Variants in MACROD2 observed in about 807,000 individuals in gnomAD.
MACROD2 encodes the protein ADP-ribose glycohydrolase MACROD2.
Under a neutral mutation model 70.4 loss-of-function variants are expected in MACROD2, and 36 were observed. That is an observed-to-expected ratio of 0.51 (90% CI 0.39 to 0.68). The LOEUF (loss-of-function observed/expected upper bound fraction) is 0.68, where lower values mean the gene tolerates loss of function less well. MACROD2 is among the 30% of genes least tolerant of loss of function. The pLI, the probability that MACROD2 is intolerant of heterozygous loss-of-function variation, is 0.00. For missense variants in MACROD2, 496 were observed against 538.4 expected (o/e 0.92, Z 0.78); for synonymous variants, 172 against 178.8 (o/e 0.96, Z 0.30).
At chr20:14,930,924 G>T (rs762168715) in intron 5 of MACROD2, among the ~76,000 whole-genome samples, 1 of 149,886 alleles carries the variant, frequency 6.7e-6, no homozygotes, top group African/African-American at 2.5e-5. Context: ...TAGCTTCCCA[G>T]GAGGCTGAGG....
intron 5 of MACROD2, among the ~76,000 whole-genome samples, chr20:15,220,667 A>C (rs914411677): frequency 5.3e-5 from 8 of 152,256 alleles, no homozygotes; most frequent in Non-Finnish European, 8.8e-5. Flanking sequence ...AACTCTGTTC[A>C]TATAGAGGAA....
intron 8 of MACROD2, among the ~76,000 whole-genome samples, chr20:15,828,799 G>C (rs1377779392): frequency 6.6e-6 from 1 of 152,148 alleles, no homozygotes; most frequent in Non-Finnish European, 1.5e-5. Context: ...TGAAAAACTG[G>C]TTAACATTTA....
intron 2 of MACROD2, chr20:14,052,169 G>C (rs1215797899): frequency 6.8e-6 from 2 of 292,308 alleles, no homozygotes; most frequent in Non-Finnish European, 1.3e-5. Flanking sequence ...GGGTGGTAGA[G>C]AAATTAGGAA....
intron 3 of MACROD2, among the ~76,000 whole-genome samples, chr20:14,379,874 G>C (rs984034699): frequency 1.3e-5 from 2 of 152,046 alleles, no homozygotes; most frequent in African/African-American, 4.8e-5. Flanking sequence ...TAGACACTTG[G>C]ATTGTTTCTA....
At chr20:14,898,677 C>A (rs1233185569) in intron 5 of MACROD2, among the ~76,000 whole-genome samples, 1 of 152,148 alleles carries the variant, frequency 6.6e-6, no homozygotes, top group Admixed American at 6.5e-5. Flanking sequence ...GCACTCTTGC[C>A]TGTGCTGGAA....
intron 8 of MACROD2, among the ~76,000 whole-genome samples, chr20:15,543,381 A>G (rs2047983749): frequency 6.6e-6 from 1 of 152,180 alleles, no homozygotes; most frequent in Non-Finnish European, 1.5e-5. Flanking sequence ...ACATGATAGA[A>G]TAGGCCCTCA....
intron 5 of MACROD2, among the ~76,000 whole-genome samples, chr20:15,055,015 T>C (rs1244392675): frequency 6.7e-6 from 1 of 149,724 alleles, no homozygotes; most frequent in East Asian, 2.0e-4. Flanking sequence ...AATGGTGTGA[T>C]CTTGGCTCCC....
At chr20:15,199,379 A>G (rs1225539111) in intron 5 of MACROD2, among the ~76,000 whole-genome samples, 1 of 152,060 alleles carries the variant, frequency 6.6e-6, no homozygotes, top group Non-Finnish European at 1.5e-5. Context: ...AACAAACAAC[A>G]ACAACAAAAA....
intron 3 of MACROD2, among the ~76,000 whole-genome samples, chr20:14,282,720 C>G (rs541898324): frequency 2.6e-5 from 4 of 152,034 alleles, no homozygotes; most frequent in Admixed American, 6.6e-5. Flanking sequence ...TGGTGGAAGG[C>G]AAAGGAGGAG....
chr20:15,604,372 T>C (rs2048864852), intron 8 of MACROD2, among the ~76,000 whole-genome samples: 2 of 152,248 alleles, frequency 1.3e-5, no homozygotes, highest in Admixed American at 6.5e-5. Flanking sequence ...CTTTTTAATG[T>C]TTTTAAGAAT....
At chr20:15,130,858 G>T (rs991653155) in intron 5 of MACROD2, among the ~76,000 whole-genome samples, 1 of 152,074 alleles carries the variant, frequency 6.6e-6, no homozygotes, top group Non-Finnish European at 1.5e-5. Context: ...GGAAGTAGAG[G>T]CTCAGAGGCC....
intron 6 of MACROD2, among the ~76,000 whole-genome samples, chr20:15,387,919 A>G (rs1273111752): frequency 4.6e-5 from 6 of 131,470 alleles, no homozygotes; most frequent in Non-Finnish European, 8.4e-5. Context: ...ACTTGTATTT[A>G]TTTATTTTTT....
intron 4 of MACROD2, among the ~76,000 whole-genome samples, chr20:14,585,728 A>G (rs1261166434): frequency 6.6e-6 from 1 of 152,132 alleles, no homozygotes; most frequent in Non-Finnish European, 1.5e-5. Context: ...ATCATTTTAA[A>G]CCTACCATTG....
At chr20:14,276,268 A>G (rs527499631) in intron 3 of MACROD2, among the ~76,000 whole-genome samples, 1 of 151,366 alleles carries the variant, frequency 6.6e-6, no homozygotes, top group Non-Finnish European at 1.5e-5. Context: ...AAAATGTGGC[A>G]CATATACACC....
chr20:15,304,606 C>T (rs2077678155), intron 6 of MACROD2, among the ~76,000 whole-genome samples: 5 of 152,180 alleles, frequency 3.3e-5, no homozygotes. Context: ...AGGCATGCCA[C>T]AGCACCAGTG....
At chr20:14,707,080 G>A (rs1170156137) in intron 5 of MACROD2, among the ~76,000 whole-genome samples, 1 of 152,090 alleles carries the variant, frequency 6.6e-6, no homozygotes, top group African/African-American at 2.4e-5. Context: ...GAAAGAACAG[G>A]ATCCCAGATT....
At chr20:15,689,582 C>A (rs1380282090) in intron 8 of MACROD2, among the ~76,000 whole-genome samples, 1 of 151,978 alleles carries the variant, frequency 6.6e-6, no homozygotes, top group Admixed American at 6.6e-5. Flanking sequence ...AGCATTCAGG[C>A]AAAGAAAACA....
rs536212538 is a variant in MACROD2, at chr20:14,981,605, T to C, written c.419-248335T>C. On this transcript the variant is annotated intron_variant, in intron 5 of 17. Transcript: ENST00000684519. ...GGGGCAGATCTTTCCTGTGTTGTTCTTGTGATAGTGAATAAGTCTTGCGAG... is the reference window on the plus strand; with the variant it reads ...GGGGCAGATCTTTCCTGTGTTGTTCCTGTGATAGTGAATAAGTCTTGCGAG... Among the ~76,000 whole-genome samples, 16 of 152,178 alleles carry C rather than the reference T, an allele frequency of 1.1e-4. No homozygotes were observed. The South Asian group carries it at 2.9e-3, about 28-fold the overall frequency.
At chr20:14,053,940 G>A (rs2053603183) in intron 2 of MACROD2, among the ~76,000 whole-genome samples, 1 of 152,008 alleles carries the variant, frequency 6.6e-6, no homozygotes, top group Non-Finnish European at 1.5e-5. Flanking sequence ...TGAGCTTGGT[G>A]TTGGTATAAA....
Sources: allele counts gnomAD v4.1 joint callset (sites outside exome capture counted in the v4.1 genomes callset), GRCh38; gene constraint gnomAD v4.1.1; transcripts MANE v1.5; gene names NCBI Gene and HGNC (gene_info 2026-07-23, HGNC 2026-07-21).